The following NCAM2 variants were observed in gnomAD, a reference collection of about 807,000 sequenced individuals.
The protein encoded by NCAM2 is N-CAM-2.
Under a neutral mutation model 98.1 loss-of-function variants are expected in NCAM2, and 30 were observed. The observed-to-expected ratio is 0.31, with a 90% confidence interval of 0.23 to 0.41. The LOEUF is 0.41. NCAM2 is among the 10% of genes least tolerant of loss of function. NCAM2 has a pLI of 1.00. For synonymous variants in NCAM2, 368 were observed against 342.4 expected, an observed-to-expected ratio of 1.07 and a Z score of -0.83; for missense variants, 867 against 1,005.8, an observed-to-expected ratio of 0.86 and a Z score of 1.87.
At chr21:21,521,518 A>G (rs954725658) in intron 16 of NCAM2, among the ~76,000 whole-genome samples, 2 of 152,170 alleles carry the variant, frequency 1.3e-5, no homozygotes, top group African/African-American at 2.4e-5. Flanking sequence ...GTAACATGCT[A>G]AGAACTCTAA....
intron 1 of NCAM2, among the ~76,000 whole-genome samples, chr21:21,239,988 C>T (rs1223722087): frequency 2.0e-5 from 3 of 151,950 alleles, no homozygotes; most frequent in Non-Finnish European, 2.9e-5. Flanking sequence ...TCTTTGTCTC[C>T]CTTTATGTTT....
At chr21:21,056,266 G>A (rs1193158464) in intron 1 of NCAM2, among the ~76,000 whole-genome samples, 1 of 151,964 alleles carries the variant, frequency 6.6e-6, no homozygotes, top group Non-Finnish European at 1.5e-5. Flanking sequence ...GATTAACAGT[G>A]TGTATTGAAT....
At chr21:21,153,827 G>A (rs1374038282) in intron 1 of NCAM2, among the ~76,000 whole-genome samples, 2 of 151,866 alleles carry the variant, frequency 1.3e-5, no homozygotes, top group Non-Finnish European at 2.9e-5. Context: ...AGATCATTCT[G>A]AAAGCATTTT....
chr21:21,515,426 C>T (rs1039040889), intron 16 of NCAM2, among the ~76,000 whole-genome samples: 2 of 152,072 alleles, frequency 1.3e-5, no homozygotes, highest in Non-Finnish European at 1.5e-5. Flanking sequence ...ATGTTTCTAC[C>T]TATAACCACT....
At chr21:21,531,212 T>C (rs1470728821) in intron 16 of NCAM2, among the ~76,000 whole-genome samples, 1 of 152,210 alleles carries the variant, frequency 6.6e-6, no homozygotes, top group Non-Finnish European at 1.5e-5. Context: ...TTTATTTATA[T>C]GATGCTATTT....
chr21:21,383,404 C>G (rs2148105041), intron 9 of NCAM2, among the ~76,000 whole-genome samples: 1 of 152,254 alleles, frequency 6.6e-6, no homozygotes, highest in African/African-American at 2.4e-5. Flanking sequence ...ATTATGTATG[C>G]TTTTTTCCAA....
intron 1 of NCAM2, among the ~76,000 whole-genome samples, chr21:21,246,585 G>A (rs2071279997): frequency 6.6e-6 from 1 of 152,040 alleles, no homozygotes; most frequent in African/African-American, 2.4e-5. Context: ...CCACAAATTT[G>A]AGGTTTTGGT....
intron 12 of NCAM2, among the ~76,000 whole-genome samples, chr21:21,465,095 A>T (rs564073755): frequency 1.3e-5 from 2 of 152,090 alleles, no homozygotes; most frequent in African/African-American, 4.8e-5. Flanking sequence ...TGGAAATTTA[A>T]TTTTTTTTGT....
At chr21:21,078,527 C>G (rs906735042) in intron 1 of NCAM2, among the ~76,000 whole-genome samples, 2 of 152,076 alleles carry the variant, frequency 1.3e-5, no homozygotes, top group African/African-American at 4.8e-5. Flanking sequence ...GTTAAAAAGT[C>G]AAGAAACAAC....
At chr21:21,400,704 G>GAA (rs2076609403) in intron 9 of NCAM2, among the ~76,000 whole-genome samples, 1 of 151,308 alleles carries the variant, frequency 6.6e-6, no homozygotes, top group Admixed American at 6.6e-5. Flanking sequence ...TCATGCCTCA[G>GAA]CCTCCCAAGT....
At chr21:21,204,870 C>G (rs1227852225) in intron 1 of NCAM2, among the ~76,000 whole-genome samples, 1 of 152,140 alleles carries the variant, frequency 6.6e-6, no homozygotes, top group Non-Finnish European at 1.5e-5. Flanking sequence ...CTACAATTTT[C>G]ATATAAATAT....
intron 1 of NCAM2, among the ~76,000 whole-genome samples, chr21:21,098,841 A>C (rs1222488028): frequency 6.6e-6 from 1 of 151,836 alleles, no homozygotes; most frequent in East Asian, 1.9e-4. Flanking sequence ...AGTTTTGTTC[A>C]GAGTCAAGGT....
intron 8 of NCAM2, among the ~76,000 whole-genome samples, chr21:21,350,570 C>G (rs1308342476): frequency 6.6e-6 from 1 of 152,122 alleles, no homozygotes; most frequent in Non-Finnish European, 1.5e-5. Context: ...AACTGTTGAA[C>G]TGTGCATATG....
intron 1 of NCAM2, among the ~76,000 whole-genome samples, chr21:21,021,423 C>T (rs1031304782): frequency 6.6e-6 from 1 of 152,140 alleles, no homozygotes; most frequent in Admixed American, 6.5e-5. Flanking sequence ...GCTTAGTTCA[C>T]TTCCGTGTAA....
chr21:21,195,146 A>G (rs900133217), intron 1 of NCAM2, among the ~76,000 whole-genome samples: 1 of 152,210 alleles, frequency 6.6e-6, no homozygotes, highest in Admixed American at 6.5e-5. Flanking sequence ...AGAAACAAAC[A>G]TCATTCATTT....
intron 1 of NCAM2, among the ~76,000 whole-genome samples, chr21:21,217,587 G>T (rs1601676323): frequency 4.6e-5 from 7 of 152,216 alleles, no homozygotes; most frequent in Admixed American, 4.6e-4. Flanking sequence ...TATTCAATCA[G>T]ACACAAATCT....
At position 21,477,319 on chromosome 21, in the gene NCAM2, A is replaced by G; in HGVS notation, c.1925A>G (p.Lys642Arg). The change falls in exon 15 of 18, where the codon AAA becomes AGA. Residue 642 changes from lysine (K) to arginine (R), a missense_variant. Around this residue, in one of 5 missense-constraint regions of NCAM2, gnomAD observed 234 missense variants for 333.8 expected, o/e 0.70. Transcript: ENST00000400546. ...SKDKEDQWLEKKVQGNKDHII... is the reference protein window; with the variant it reads ...SKDKEDQWLERKVQGNKDHII... Reference sequence around the variant, plus strand: ...GATAAGGAAGACCAATGGCTAGAGAAAAAAGTGCAAGGAAATAAAGACCAC... The same window carrying G: ...GATAAGGAAGACCAATGGCTAGAGAGAAAAGTGCAAGGAAATAAAGACCAC... 1 of 1,601,594 alleles carries G rather than the reference A, an allele frequency of 6.2e-7. No individual in the cohort carries two copies. The highest frequency in any genetic ancestry group is 8.5e-7 in the Non-Finnish European group (1 of 1,172,468).
At chr21:21,206,212 C>G (rs1296526521) in intron 1 of NCAM2, among the ~76,000 whole-genome samples, 1 of 152,060 alleles carries the variant, frequency 6.6e-6, no homozygotes. Flanking sequence ...ATTTGTAATA[C>G]ATTAAGTTTC....
At chr21:21,008,771 C>G (rs1395683296) in intron 1 of NCAM2, among the ~76,000 whole-genome samples, 1 of 152,068 alleles carries the variant, frequency 6.6e-6, no homozygotes, top group East Asian at 1.9e-4. Flanking sequence ...AATTGGAGAT[C>G]TACCTTTTGT....
Sources: allele counts gnomAD v4.1 joint callset (sites outside exome capture counted in the v4.1 genomes callset), GRCh38; gene constraint gnomAD v4.1.1; regional missense constraint gnomAD v4.1.1; transcripts MANE v1.5; gene names NCBI Gene and HGNC (gene_info 2026-07-23, HGNC 2026-07-21).